Variants in PPP4R2 observed in about 807,000 individuals in gnomAD.
PPP4R2 encodes the protein protein phosphatase 4 regulatory subunit 2, also known as serine/threonine-protein phosphatase 4 regulatory subunit 2.
PPP4R2 carries 13 observed loss-of-function variants against 47.2 expected under a neutral mutation model. The ratio of observed to expected loss-of-function variants is 0.28; its 90% CI spans 0.18 to 0.44. The LOEUF is 0.44. Ranked by LOEUF, PPP4R2 falls within the 20% of genes least tolerant of loss-of-function variation. The pLI is 1.00. For missense variants in PPP4R2, 421 were observed against 491.2 expected (o/e 0.86, Z 1.35); for synonymous variants, 151 against 163.3 (o/e 0.92, Z 0.57).
chr3:73,020,883 G>A (rs1253424149), intron 2 of PPP4R2, among the ~76,000 whole-genome samples: 3 of 151,874 alleles, frequency 2.0e-5, no homozygotes, highest in Non-Finnish European at 4.4e-5. Flanking sequence ...GTTCTCAGGT[G>A]TCTTCTTATA....
chr3:73,053,014 G>A (rs139322118), intron 3 of PPP4R2, among the ~76,000 whole-genome samples: 2 of 152,288 alleles, frequency 1.3e-5, no homozygotes, highest in East Asian at 3.9e-4. Flanking sequence ...TTTGCTTTAC[G>A]GTTAGCTCCA....
intron 2 of PPP4R2, among the ~76,000 whole-genome samples, chr3:73,017,518 C>T (rs1384710514): frequency 1.3e-5 from 2 of 151,890 alleles, no homozygotes; most frequent in Non-Finnish European, 2.9e-5. Context: ...GCATGCTGTC[C>T]TTGAAAGGGA....
chr3:73,013,212 C>G (rs1268447157), intron 2 of PPP4R2, among the ~76,000 whole-genome samples: 2 of 152,080 alleles, frequency 1.3e-5, no homozygotes, highest in Non-Finnish European at 2.9e-5. Context: ...AAAATTATTT[C>G]TGACAAAATA....
rs1403795454 is a variant in PPP4R2, at chr3:73,066,592, AATGTTT to A, written c.*874_*879del. 6.6e-6 allele frequency: 1 copy of A among 152,020 alleles called. No homozygotes were observed. Among genetic ancestry groups the A allele is most frequent in the Non-Finnish European group, 1.5e-5 (1 of 67,948 alleles). 9.4% of individuals were successfully genotyped at this position (152,020 alleles called of 1,614,324 possible). A position where few individuals can be genotyped will look rare whatever the true frequency, so the allele number is the denominator to read the frequency against. ...TGTTAGCTTACTATTTTGTAGAATG[AATGTTT>A]ATGAAGCTGATATGAGACCATCTCA... On this transcript the variant is annotated 3_prime_UTR_variant, in exon 9 of 9. Transcript: ENST00000356692.
At chr3:72,997,829 A>G (rs1701381811) in intron 1 of PPP4R2, among the ~76,000 whole-genome samples, 1 of 152,136 alleles carries the variant, frequency 6.6e-6, no homozygotes, top group African/African-American at 2.4e-5. Flanking sequence ...CCACACTTCG[A>G]GAAGCACTGC....
chr3:73,063,171 G>A (rs1392032305), intron 5 of PPP4R2: 5 of 452,354 alleles, frequency 1.1e-5, no homozygotes, highest in Non-Finnish European at 2.0e-5. Context: ...CCACATTTTT[G>A]GGATTTAAAG....
intron 4 of PPP4R2, among the ~76,000 whole-genome samples, chr3:73,059,566 A>G (rs1702799302): frequency 6.6e-6 from 1 of 152,188 alleles, no homozygotes; most frequent in Non-Finnish European, 1.5e-5. Context: ...TGCAGGTCAG[A>G]TTTAGAGATA....
chr3:73,027,272 G>C (rs576119953), intron 2 of PPP4R2, among the ~76,000 whole-genome samples: 1 of 152,088 alleles, frequency 6.6e-6, no homozygotes. Flanking sequence ...GACTACAGGC[G>C]TGCGCCACCA....
In PPP4R2 at chr3:73,064,047, C is replaced by T; in HGVS notation, c.539C>T (p.Pro180Leu). ...GGGACACCCAGGCCACTTAATCGACCAAAGGTTTCTTTGTCAGCCCCCATG... is the reference window on the plus strand; with the variant it reads ...GGGACACCCAGGCCACTTAATCGACTAAAGGTTTCTTTGTCAGCCCCCATG... ...GPGTPRPLNR[P>L]KVSLSAPMTT... The change falls in exon 7 of 9, where the codon CCA becomes CTA. Residue 180 changes from proline to leucine, a missense_variant. Pro to Leu is a moderately conservative substitution (Grantham distance 98). This residue lies in a region of PPP4R2 where 317 missense variants were observed against 287.5 expected (regional missense o/e 1.10). Transcript: ENST00000356692. The T allele has an allele frequency of 6.2e-7, 1 of 1,612,722 alleles. No homozygotes were observed. Among genetic ancestry groups the T allele is most frequent in the South Asian group, 1.1e-5 (1 of 90,988 alleles).
At chr3:73,028,736 G>A (rs570628588) in intron 2 of PPP4R2, among the ~76,000 whole-genome samples, 8 of 152,204 alleles carry the variant, frequency 5.3e-5, no homozygotes, top group African/African-American at 9.6e-5. Context: ...GAGCCACTGC[G>A]CCCGGCCAAG....
intron 2 of PPP4R2, among the ~76,000 whole-genome samples, chr3:73,030,734 ACT>A (rs1017564031): frequency 9.4e-5 from 14 of 149,296 alleles, no homozygotes; most frequent in African/African-American, 3.2e-4. Context: ...ATGGAGTCTC[ACT>A]CTGTTGCCCA....
At chr3:73,036,094 C>G (rs1702256147) in intron 2 of PPP4R2, among the ~76,000 whole-genome samples, 1 of 152,114 alleles carries the variant, frequency 6.6e-6, no homozygotes, top group African/African-American at 2.4e-5. Context: ...ATCCTTTGCA[C>G]CAATGTGGAT....
In PPP4R2 at chr3:73,018,423, G is replaced by GTTATA. The variant is rs758843899; in HGVS notation, c.116+20269_116+20270insATTAT. On this transcript the variant is annotated intron_variant, in intron 2 of 8. Transcript: ENST00000356692. ...TGTCATAGTCGTTATGTTATGTTAT[G>GTTATA]TTATGTTATGTTATGTTATGTTATG... 2.0e-4 allele frequency among the ~76,000 whole-genome samples: 17 copies of GTTATA among 84,784 alleles called. No individual in the cohort carries two copies. The East Asian group carries it at 4.6e-3, about 23-fold the overall frequency. The allele number at this position is 84,784 out of a possible 152,430, so 55.6% of individuals were successfully genotyped here. A position where few individuals can be genotyped will look rare whatever the true frequency, so the allele number is the denominator to read the frequency against.
intron 2 of PPP4R2, among the ~76,000 whole-genome samples, chr3:73,035,293 G>C (rs1208266279): frequency 6.6e-6 from 1 of 152,096 alleles, no homozygotes; most frequent in Non-Finnish European, 1.5e-5. Context: ...CCAGCTACTC[G>C]GGAAGCTGAG....
intron 2 of PPP4R2, among the ~76,000 whole-genome samples, chr3:73,020,306 A>T (rs1701932216): frequency 6.6e-6 from 1 of 152,080 alleles, no homozygotes; most frequent in African/African-American, 2.4e-5. Context: ...TCCTGTCCTC[A>T]GCCTCCTGAG....
chr3:73,009,431 A>G (rs1478430358), intron 2 of PPP4R2, among the ~76,000 whole-genome samples: 1 of 150,248 alleles, frequency 6.7e-6, no homozygotes, highest in Non-Finnish European at 1.5e-5. Flanking sequence ...TTAAAGTCAC[A>G]AAGAGGTTCT....
chr3:73,017,822 G>A (rs1701872005), intron 2 of PPP4R2, among the ~76,000 whole-genome samples: 1 of 151,970 alleles, frequency 6.6e-6, no homozygotes, highest in African/African-American at 2.4e-5. Flanking sequence ...CACCTCCTGG[G>A]TTCTAGCAAT....
chr3:73,013,709 G>A lies in PPP4R2; in HGVS notation c.116+15551G>A, dbSNP rs578217238. 7.6e-4 allele frequency among the ~76,000 whole-genome samples: 116 copies of A among 151,816 alleles called. 1 individual carries two copies. The highest frequency in any genetic ancestry group is 2.7e-3 in the African/African-American group (111 of 41,378). On this transcript the variant is annotated intron_variant, in intron 2 of 8. Transcript: ENST00000356692. ...GCAGGAGTGCAGTGGCACAACCTCA[G>A]CTCACTGCAGCCTCCACCTCCTGGT...
chr3:73,007,457 T>C (rs964591681), intron 2 of PPP4R2, among the ~76,000 whole-genome samples: 3 of 142,970 alleles, frequency 2.1e-5, no homozygotes, highest in Non-Finnish European at 4.5e-5. Flanking sequence ...CTTTTTCTTT[T>C]CTGTTTTTTT....
Sources: gnomAD v4.1 joint callset for allele counts (sites outside exome capture counted in the v4.1 genomes callset) on GRCh38, gnomAD v4.1.1 for gene constraint, gnomAD v4.1.1 regional missense constraint, MANE v1.5 for transcripts, NCBI Gene and HGNC (gene_info 2026-07-23, HGNC 2026-07-21) for gene names.